Variants in WDR70 observed in about 807,000 individuals in gnomAD.
The protein encoded by WDR70 is WD repeat domain 70.
Under a neutral mutation model 88.6 loss-of-function variants are expected in WDR70, and 53 were observed. The ratio of observed to expected loss-of-function variants is 0.60; its 90% CI spans 0.48 to 0.75. The LOEUF (loss-of-function observed/expected upper bound fraction) is 0.75, where lower values mean the gene tolerates loss of function less well. Among genes scored for constraint, WDR70 ranks in the 30% least tolerant of loss-of-function variants. WDR70 has a pLI of 0.00. For missense variants in WDR70, 610 were observed against 823.2 expected (o/e 0.74, Z 3.17); for synonymous variants, 280 against 270.0 (o/e 1.04, Z -0.36).
chr5:37,466,705 CAAAAAAAAAAA>C (rs796359494), intron 7 of WDR70, among the ~76,000 whole-genome samples: 3 of 65,530 alleles, frequency 4.6e-5, no homozygotes, highest in East Asian at 1.0e-3. Context: ...GACTCCATCT[CAAAAAAAAAAA>C]AAAAAAAAAA....
At chr5:37,503,089 G>A (rs950829395) in intron 8 of WDR70, among the ~76,000 whole-genome samples, 8 of 152,090 alleles carry the variant, frequency 5.3e-5, no homozygotes, top group Non-Finnish European at 1.0e-4. Flanking sequence ...GCTGGATTAC[G>A]TTTGTTAGTG....
chr5:37,636,956 A>G (rs886074834), intron 10 of WDR70, among the ~76,000 whole-genome samples: 10 of 152,146 alleles, frequency 6.6e-5, no homozygotes, highest in South Asian at 2.1e-4. Flanking sequence ...TAATTATATA[A>G]TCTTGATAGA....
chr5:37,380,193 A>T (rs1748381971), intron 2 of WDR70, among the ~76,000 whole-genome samples: 1 of 152,180 alleles, frequency 6.6e-6, no homozygotes, highest in East Asian at 1.9e-4. Context: ...AAACATTGGG[A>T]TTCTAACTTC....
At chr5:37,400,939 C>G (rs1345017877) in intron 5 of WDR70, among the ~76,000 whole-genome samples, 1 of 152,106 alleles carries the variant, frequency 6.6e-6, no homozygotes, top group Non-Finnish European at 1.5e-5. Context: ...AGATCAAATC[C>G]AGAAAGTATG....
rs1746132304 is a variant in WDR70, at chr5:37,674,367, A to C, written c.1093-23288A>C. Among the ~76,000 whole-genome samples, 3 of 152,102 alleles carry C rather than the reference A, an allele frequency of 2.0e-5. 1 individual carries two copies. Among genetic ancestry groups the C allele is most frequent in the African/African-American group, 7.2e-5 (3 of 41,446 alleles). Reference sequence around the variant, plus strand: ...CATTTAGCATTAGGTATATCTCCTAATGCTATTCCCCCGCCTTCCCCAACC... The same window carrying C: ...CATTTAGCATTAGGTATATCTCCTACTGCTATTCCCCCGCCTTCCCCAACC... On this transcript the variant is annotated intron_variant, in intron 10 of 17. Transcript: ENST00000265107.
intron 9 of WDR70, among the ~76,000 whole-genome samples, chr5:37,593,452 A>G (rs1743600982): frequency 6.6e-6 from 1 of 152,160 alleles, no homozygotes; most frequent in Admixed American, 6.5e-5. Flanking sequence ...TTCCAGCTGC[A>G]TCCATGCCCC....
chr5:37,535,095 T>G (rs547234577), intron 9 of WDR70, among the ~76,000 whole-genome samples: 1 of 152,236 alleles, frequency 6.6e-6, no homozygotes, highest in South Asian at 2.1e-4. Flanking sequence ...AAGGTACAGC[T>G]AGTAATAAAT....
At chr5:37,628,243 TG>T (rs1248169619) in intron 10 of WDR70, among the ~76,000 whole-genome samples, 1 of 152,188 alleles carries the variant, frequency 6.6e-6, no homozygotes, top group Non-Finnish European at 1.5e-5. Context: ...TTTAAATCTA[TG>T]TTCCTTTGTT....
chr5:37,572,273 CT>C (rs1742927128), intron 9 of WDR70, among the ~76,000 whole-genome samples: 1 of 151,876 alleles, frequency 6.6e-6, no homozygotes, highest in Admixed American at 6.6e-5. Context: ...GATGTTGTGA[CT>C]GTTGTGGTGG....
rs1041144418 is a variant in WDR70, at chr5:37,527,875, G to A, written c.917+11285G>A. Among the ~76,000 whole-genome samples, 8 of 152,116 alleles carry A rather than the reference G, an allele frequency of 5.3e-5. No homozygotes were observed. The East Asian group carries it at 1.5e-3, about 29-fold the overall frequency. Reference sequence around the variant, plus strand: ...TTTATGCAGCCAACAGACACATGAAGAAATGCTCTTCATCACTGGCCATCA... The same window carrying A: ...TTTATGCAGCCAACAGACACATGAAAAAATGCTCTTCATCACTGGCCATCA... On this transcript the variant is annotated intron_variant, in intron 9 of 17. Transcript: ENST00000265107.
At position 37,722,910 on chromosome 5, in the gene WDR70, C is replaced by G. The variant is rs777885499; in HGVS notation, c.1573C>G (p.Leu525Val). The G allele has an allele frequency of 1.9e-6, 3 of 1,613,622 alleles. No individual in the cohort carries two copies. The highest frequency in any genetic ancestry group is 3.3e-5 in the Admixed American group (2 of 59,980). ...GCGGAAGGCAAAACAAGCTGAGACT[C>G]TAACTCAGGACTACATCATCACCCG... ...TQRKAKQAET[L>V]TQDYIITPHA... The change falls in exon 15 of 18, where the codon CTA becomes GTA. Residue 525 changes from leucine (L) to valine (V), a missense_variant. Around this residue, in one of 4 missense-constraint regions of WDR70, gnomAD observed 254 missense variants for 300.7 expected, o/e 0.84. Transcript: ENST00000265107.
chr5:37,606,922 C>CA (rs1744047675), intron 10 of WDR70, among the ~76,000 whole-genome samples: 2 of 76,680 alleles, frequency 2.6e-5, no homozygotes, highest in African/African-American at 5.7e-5. Context: ...CCTCCCCTCC[C>CA]ATCCCCTCCC....
Position 37,593,756 on chromosome 5 carries a change from G to A in WDR70, c.918-11308G>A, listed in dbSNP as rs113523150. 2.9e-3 allele frequency among the ~76,000 whole-genome samples: 436 copies of A among 152,104 alleles called. 2 individuals are homozygous for A. The highest frequency in any genetic ancestry group is 9.9e-3 in the African/African-American group (413 of 41,516). Reference sequence around the variant, plus strand: ...TTCCACAATGGTTGAACTAGTTTACGGTCCCACCAACAGTGTAAAAGTGTT... The same window carrying A: ...TTCCACAATGGTTGAACTAGTTTACAGTCCCACCAACAGTGTAAAAGTGTT... On this transcript the variant is annotated intron_variant, in intron 9 of 17. Transcript: ENST00000265107.
chr5:37,412,173 G>C (rs1343110819), intron 5 of WDR70, among the ~76,000 whole-genome samples: 2 of 152,106 alleles, frequency 1.3e-5, no homozygotes, highest in Non-Finnish European at 2.9e-5. Flanking sequence ...GATCATCTGA[G>C]GTCAGGAGTT....
chr5:37,510,585 T>TA (rs1421166386), intron 8 of WDR70, among the ~76,000 whole-genome samples: 1 of 152,162 alleles, frequency 6.6e-6, no homozygotes, highest in Admixed American at 6.5e-5. Flanking sequence ...AGGCACAAGT[T>TA]ACCATGCCTG....
At chr5:37,751,130 T>G (rs1449254922) in intron 17 of WDR70, among the ~76,000 whole-genome samples, 1 of 152,250 alleles carries the variant, frequency 6.6e-6, no homozygotes, top group East Asian at 1.9e-4. Flanking sequence ...TGGACAAATT[T>G]GTTCTTGAAC....
chr5:37,398,193 A>G (rs1749085119), intron 5 of WDR70, among the ~76,000 whole-genome samples: 1 of 143,216 alleles, frequency 7.0e-6, no homozygotes, highest in South Asian at 2.2e-4. Context: ...GGTTCATGCC[A>G]TTCTCCTGCC....
chr5:37,518,655 G>A (rs1740969304), intron 9 of WDR70, among the ~76,000 whole-genome samples: 1 of 149,308 alleles, frequency 6.7e-6, no homozygotes, highest in South Asian at 2.1e-4. Context: ...AAACAGTGCT[G>A]CAACCAACGT....
chr5:37,410,957 CTTAG>C (rs1358260953), intron 5 of WDR70, among the ~76,000 whole-genome samples: 4 of 152,172 alleles, frequency 2.6e-5, no homozygotes, highest in East Asian at 1.9e-4. Flanking sequence ...ATAGAGATGA[CTTAG>C]TTAATTAAAT....
Sources: allele counts gnomAD v4.1 joint callset (sites outside exome capture counted in the v4.1 genomes callset), GRCh38; gene constraint gnomAD v4.1.1; regional missense constraint gnomAD v4.1.1; transcripts MANE v1.5; gene names NCBI Gene and HGNC (gene_info 2026-07-23, HGNC 2026-07-21).